PTK2B: variants seen among roughly 807,000 people sequenced by gnomAD.
PTK2B encodes the protein protein-tyrosine kinase 2-beta.
A neutral mutation model predicts 142.9 loss-of-function variants in PTK2B; 71 were observed. The observed-to-expected ratio is 0.50, with a 90% CI of 0.41 to 0.61. The LOEUF (loss-of-function observed/expected upper bound fraction) is 0.61. PTK2B is among the 20% of genes least tolerant of loss of function. PTK2B has a pLI of 0.00. For missense variants in PTK2B, 1,105 were observed against 1,320.4 expected, an observed-to-expected ratio of 0.84 and a Z score of 2.53; for synonymous variants, 519 against 503.4, an observed-to-expected ratio of 1.03 and a Z score of -0.42.
At chr8:27,311,046 C>G (rs369572943), upstream of PTK2B, 3 of 1,599,290 alleles carry the variant, frequency 1.9e-6, no homozygotes, top group African/African-American at 2.7e-5. Flanking sequence ...GCGGGTGACG[C>G]GCGGTCTTTG....
chr8:27,394,357 A>G (rs1004137545), intron 1 of PTK2B, among the ~76,000 whole-genome samples: 1 of 152,214 alleles, frequency 6.6e-6, no homozygotes, highest in African/African-American at 2.4e-5. Context: ...CTACAACCCT[A>G]TACAGCAAGT....
At chr8:27,362,722 C>T (rs886979669) in intron 1 of PTK2B, among the ~76,000 whole-genome samples, 31 of 152,164 alleles carry the variant, frequency 2.0e-4, no homozygotes, top group African/African-American at 7.2e-4. Context: ...GACCCAGCCT[C>T]GGGAGCCTGT....
At chr8:27,372,998 G>A (rs1424521635) in intron 1 of PTK2B, among the ~76,000 whole-genome samples, 1 of 152,074 alleles carries the variant, frequency 6.6e-6, no homozygotes, top group African/African-American at 2.4e-5. Flanking sequence ...TAGAGGTCAA[G>A]CATCCATTCT....
intron 2 of PTK2B, among the ~76,000 whole-genome samples, chr8:27,417,772 ACAGGAGTTCTAGCC>A: frequency 6.6e-6 from 1 of 152,304 alleles, no homozygotes; most frequent in East Asian, 1.9e-4. Context: ...AATCAACAGC[ACAGGAGTTCTAGCC>A]CTGAGGAAAT....
intron 1 of PTK2B, among the ~76,000 whole-genome samples, chr8:27,386,993 C>G (rs1319222831): frequency 6.6e-6 from 1 of 151,750 alleles, no homozygotes. Flanking sequence ...TGTCAAAAGT[C>G]TGCATTCCTT....
At chr8:27,311,364 G>A (rs1342205687), upstream of PTK2B, 15 of 1,230,858 alleles carry the variant, frequency 1.2e-5, no homozygotes, top group South Asian at 1.6e-5. Context: ...GAGAGACAGC[G>A]GCGCTGGCCA....
chr8:27,407,231 G>A (rs753938149), intron 2 of PTK2B, among the ~76,000 whole-genome samples: 10 of 152,016 alleles, frequency 6.6e-5, no homozygotes, highest in South Asian at 2.1e-4. Context: ...TCTACTTCCC[G>A]TCTTCACACA....
rs1646884358 is a variant in PTK2B, at chr8:27,412,255, G to A, written c.205-7640G>A. On this transcript the variant is annotated intron_variant, in intron 2 of 30. Transcript: ENST00000346049. ...TCCCTGGAGGTCAGGCTGATACCAT[G>A]TGGCTCAAAGCTTCAACTCTCTGAT... Among the ~76,000 whole-genome samples the A allele has an allele frequency of 2.0e-5, 3 of 152,268 alleles. No individual in the cohort carries two copies. In the South Asian group the frequency reaches 6.2e-4, roughly 32 times the overall value.
At chr8:27,365,187 C>T (rs966687243) in intron 1 of PTK2B, among the ~76,000 whole-genome samples, 1 of 152,232 alleles carries the variant, frequency 6.6e-6, no homozygotes, top group Non-Finnish European at 1.5e-5. Context: ...ATGTCCCCTT[C>T]GCTTGCGCTA....
At chr8:27,319,077 T>C (rs1034683483) in intron 3 of PTK2B, among the ~76,000 whole-genome samples, 2 of 152,212 alleles carry the variant, frequency 1.3e-5, no homozygotes, top group African/African-American at 2.4e-5. Context: ...GAGATTCACA[T>C]TGGATTATTT....
At chr8:27,410,945 G>T (rs969466868) in intron 2 of PTK2B, among the ~76,000 whole-genome samples, 8 of 152,220 alleles carry the variant, frequency 5.3e-5, no homozygotes. Flanking sequence ...AGCATTCAAA[G>T]GTTCTTAATA....
intron 27 of PTK2B, 129 bp downstream of exon 27, chr8:27,451,638 T>C: frequency 6.5e-7 from 1 of 1,538,820 alleles, no homozygotes; most frequent in Non-Finnish European, 8.8e-7. Flanking sequence ...GGCCATGATT[T>C]AATTCAGAGC....
At chr8:27,408,651 A>G (rs887048749) in intron 2 of PTK2B, among the ~76,000 whole-genome samples, 3 of 152,186 alleles carry the variant, frequency 2.0e-5, no homozygotes, top group African/African-American at 4.8e-5. Context: ...CTTGGCCCCC[A>G]CAGGGGATAT....
chr8:27,451,159 G>T (rs1023878744), intron 26 of PTK2B, 81 bp downstream of exon 26: 49 of 1,500,314 alleles, frequency 3.3e-5, no homozygotes, highest in Non-Finnish European at 4.3e-5. Flanking sequence ...CGCCCAACTT[G>T]CTCCTACCCC....
At chr8:27,335,595 CAAA>C (rs900959610) in intron 1 of PTK2B, among the ~76,000 whole-genome samples, 11 of 74,314 alleles carry the variant, frequency 1.5e-4, no homozygotes, top group East Asian at 4.5e-4. Context: ...AACACTGTCT[CAAA>C]AAAAAAAAAA....
At chr8:27,451,627 C>T (rs532060541) in intron 27 of PTK2B, 118 bp downstream of exon 27, 51 of 1,560,824 alleles carry the variant, frequency 3.3e-5, no homozygotes, top group Admixed American at 1.5e-4. Flanking sequence ...CCTGCAGCAT[C>T]GGCCATGATT....
At chr8:27,373,499 A>G (rs370627024) in intron 1 of PTK2B, among the ~76,000 whole-genome samples, 3 of 151,972 alleles carry the variant, frequency 2.0e-5, no homozygotes, top group East Asian at 1.9e-4. Context: ...CCCTGCCTCT[A>G]TATTGTGTAA....
intron 2 of PTK2B, among the ~76,000 whole-genome samples, chr8:27,411,799 A>G (rs1586265231): frequency 6.6e-6 from 1 of 152,290 alleles, no homozygotes; most frequent in African/African-American, 2.4e-5. Context: ...CTGAGGGTGC[A>G]TCCTCCACAA....
chr8:27,330,122 G>T (rs911128331), intron 1 of PTK2B, among the ~76,000 whole-genome samples: 2 of 152,166 alleles, frequency 1.3e-5, no homozygotes, highest in African/African-American at 4.8e-5. Context: ...AGGATGGACT[G>T]TTTCGATATT....
Sources: allele counts gnomAD v4.1 joint callset (sites outside exome capture counted in the v4.1 genomes callset), GRCh38; gene constraint gnomAD v4.1.1; transcripts MANE v1.5; gene names NCBI Gene and HGNC (gene_info 2026-07-23, HGNC 2026-07-21).